Variants in NT5DC1 observed in about 807,000 individuals in gnomAD.
The protein encoded by NT5DC1 is 5'-nucleotidase domain containing 1.
In NT5DC1, 42 loss-of-function variants were observed where a neutral mutation model predicts 59.4. That is an observed-to-expected ratio of 0.71 (90% CI 0.55 to 0.92). The LOEUF (loss-of-function observed/expected upper bound fraction) is 0.92, where lower values mean the gene tolerates loss of function less well. Among genes scored for constraint, NT5DC1 ranks in the 40% least tolerant of loss-of-function variants. The pLI is 0.00. For synonymous variants in NT5DC1, 172 were observed against 188.1 expected (o/e 0.91, Z 0.70); for missense variants, 501 against 537.1 (o/e 0.93, Z 0.66).
intron 6 of NT5DC1, among the ~76,000 whole-genome samples, chr6:116,159,204 T>C (rs1562143828): frequency 6.6e-6 from 1 of 152,162 alleles, no homozygotes; most frequent in Non-Finnish European, 1.5e-5. Flanking sequence ...ATGTGACTTT[T>C]TTTGGTAGTT....
intron 6 of NT5DC1, among the ~76,000 whole-genome samples, chr6:116,212,186 A>T (rs1307974977): frequency 1.3e-5 from 2 of 152,070 alleles, no homozygotes; most frequent in Non-Finnish European, 1.5e-5. Flanking sequence ...CTGATTTGAA[A>T]CTTTAGTATG....
chr6:116,186,481 T>C (rs1365374069), intron 6 of NT5DC1, among the ~76,000 whole-genome samples: 2 of 151,960 alleles, frequency 1.3e-5, no homozygotes, highest in Admixed American at 6.6e-5. Context: ...TTCCCAGACT[T>C]TTAGATTTCT....
intron 7 of NT5DC1, among the ~76,000 whole-genome samples, chr6:116,222,698 A>G (rs144947746): frequency 3.3e-5 from 5 of 152,172 alleles, no homozygotes; most frequent in Admixed American, 1.3e-4. Flanking sequence ...CAGGCCCCCA[A>G]ATTTGAAGAT....
At chr6:116,150,950 A>G (rs892654263) in intron 6 of NT5DC1, among the ~76,000 whole-genome samples, 4 of 152,238 alleles carry the variant, frequency 2.6e-5, no homozygotes, top group East Asian at 1.9e-4. Flanking sequence ...TAAGTAAAAC[A>G]TGGCAGATTG....
At chr6:116,140,929 A>T (rs1200863851) in intron 6 of NT5DC1, among the ~76,000 whole-genome samples, 1 of 152,136 alleles carries the variant, frequency 6.6e-6, no homozygotes. Flanking sequence ...AACTTCTTGT[A>T]CATGTTTCCT....
chr6:116,167,588 T>C (rs370500807), intron 6 of NT5DC1, among the ~76,000 whole-genome samples: 1 of 152,302 alleles, frequency 6.6e-6, no homozygotes, highest in East Asian at 1.9e-4. Context: ...TTGATAAAAT[T>C]GCAATATTTT....
At chr6:116,125,318 A>G (rs1484763269) in intron 6 of NT5DC1, 2 of 1,611,962 alleles carry the variant, frequency 1.2e-6, no homozygotes, top group Non-Finnish European at 1.7e-6. Flanking sequence ...TTAATAGAAC[A>G]AAATATACAA....
In NT5DC1 at chr6:116,156,127, GA is replaced by G. The variant is rs544208958; in HGVS notation, c.529+38185del. Among the ~76,000 whole-genome samples, 15 of 152,124 alleles carry G rather than the reference GA, an allele frequency of 9.9e-5. 1 individual carries two copies. The South Asian group carries it at 1.5e-3, about 15-fold the overall frequency. ...AAGGTCAATAATACATATTTTCTTT[GA>G]AAGCATATCTTCAGTCTCCTGTTCC... On this transcript the variant is annotated intron_variant, in intron 6 of 11. Coordinates refer to ENST00000319550, the MANE Select transcript of NT5DC1 (RefSeq NM_152729.3).
intron 6 of NT5DC1, among the ~76,000 whole-genome samples, chr6:116,164,385 A>G (rs1158507261): frequency 1.3e-5 from 2 of 152,048 alleles, no homozygotes; most frequent in Non-Finnish European, 1.5e-5. Context: ...AGTCTATTTT[A>G]TCTGACATAA....
At chr6:116,200,703 G>A (rs1208279776) in intron 6 of NT5DC1, among the ~76,000 whole-genome samples, 1 of 151,880 alleles carries the variant, frequency 6.6e-6, no homozygotes, top group African/African-American at 2.4e-5. Flanking sequence ...CTCTCTCTGG[G>A]TGATATTTAA....
chr6:116,227,935 T>G (rs928887543), intron 8 of NT5DC1, among the ~76,000 whole-genome samples: 4 of 152,224 alleles, frequency 2.6e-5, no homozygotes, highest in Non-Finnish European at 4.4e-5. Context: ...ACTGTTTTCT[T>G]TGTGGTTGCG....
At chr6:116,195,210 G>A (rs1339453917) in intron 6 of NT5DC1, among the ~76,000 whole-genome samples, 1 of 151,930 alleles carries the variant, frequency 6.6e-6, no homozygotes, top group Non-Finnish European at 1.5e-5. Flanking sequence ...TTATAATATA[G>A]GCATATGATA....
At chr6:116,114,830 C>T (rs1249268516) in intron 4 of NT5DC1, among the ~76,000 whole-genome samples, 1 of 152,134 alleles carries the variant, frequency 6.6e-6, no homozygotes, top group East Asian at 1.9e-4. Flanking sequence ...GTCCATGGAA[C>T]AGGAAGCAGG....
intron 6 of NT5DC1, among the ~76,000 whole-genome samples, chr6:116,153,113 A>G (rs1226741956): frequency 6.6e-6 from 1 of 151,968 alleles, no homozygotes; most frequent in Non-Finnish European, 1.5e-5. Flanking sequence ...ATATAAAAAT[A>G]TATACACAAA....
intron 1 of NT5DC1, among the ~76,000 whole-genome samples, chr6:116,105,953 T>A (rs575414677): frequency 6.6e-6 from 1 of 152,336 alleles, no homozygotes; most frequent in African/African-American, 2.4e-5. Context: ...CTTTGTCAAG[T>A]CTTAAATTAT....
chr6:116,146,097 G>A lies in NT5DC1; in HGVS notation c.529+28152G>A, dbSNP rs141270398. Among the ~76,000 whole-genome samples the A allele has an allele frequency of 1.9e-3, 292 of 152,274 alleles. 4 individuals carry two copies. The highest frequency in any genetic ancestry group is 6.5e-3 in the African/African-American group (268 of 41,538). ...AGCCATGTGTCCCACAGCCTGACTT[G>A]TTGATTATGGTTACAGTTAATACTA... On this transcript the variant is annotated intron_variant, in intron 6 of 11. Transcript: ENST00000319550.
intron 6 of NT5DC1, among the ~76,000 whole-genome samples, chr6:116,201,966 A>G (rs961521461): frequency 2.0e-5 from 3 of 152,036 alleles, no homozygotes; most frequent in Admixed American, 6.6e-5. Context: ...AAGTTAATTT[A>G]CACCTGGAGG....
chr6:116,162,533 A>C (rs931749172), intron 6 of NT5DC1, among the ~76,000 whole-genome samples: 1 of 152,148 alleles, frequency 6.6e-6, no homozygotes, highest in Non-Finnish European at 1.5e-5. Flanking sequence ...TGAGATGATC[A>C]TGTGATTTTT....
At chr6:116,227,537 T>G (rs1055292922) in intron 8 of NT5DC1, among the ~76,000 whole-genome samples, 25 of 152,140 alleles carry the variant, frequency 1.6e-4, no homozygotes, top group African/African-American at 5.3e-4. Context: ...TTGAAGAACC[T>G]CCACACTTTT....
Sources: allele counts gnomAD v4.1 joint callset (sites outside exome capture counted in the v4.1 genomes callset), GRCh38; gene constraint gnomAD v4.1.1; transcripts MANE v1.5; gene names NCBI Gene and HGNC (gene_info 2026-07-23, HGNC 2026-07-21).